The following MACROD2 variants were observed in gnomAD, a reference collection of about 807,000 sequenced individuals.
MACROD2 encodes mono-ADP ribosylhydrolase 2.
MACROD2 carries 36 observed loss-of-function variants against 70.4 expected under a neutral mutation model. The ratio of observed to expected loss-of-function variants is 0.51; its 90% CI spans 0.39 to 0.68. MACROD2 has a LOEUF of 0.68. Among genes scored for constraint, MACROD2 ranks in the 30% least tolerant of loss-of-function variants. The pLI is 0.00. For synonymous variants in MACROD2, 172 were observed against 178.8 expected (o/e 0.96, Z 0.30); for missense variants, 496 against 538.4 (o/e 0.92, Z 0.78).
chr20:14,601,946 C>G (rs1262899051), intron 4 of MACROD2, among the ~76,000 whole-genome samples: 1 of 152,176 alleles, frequency 6.6e-6, no homozygotes, highest in Non-Finnish European at 1.5e-5. Context: ...GATTAAGCAT[C>G]TCGCACCATA....
In MACROD2 at chr20:14,112,396, G is replaced by T. The variant is rs991597699; in HGVS notation, c.271+26668G>T. Among the ~76,000 whole-genome samples, 5 of 152,018 alleles carry T rather than the reference G, an allele frequency of 3.3e-5. No individual in the cohort carries two copies. The East Asian group carries it at 9.7e-4, about 29-fold the overall frequency. On this transcript the variant is annotated intron_variant, in intron 3 of 17. Transcript: ENST00000684519. ...ATTTTTTGTAACACAAAGGATAAAT[G>T]CTTGAGGGGATGGATACCCCATTTT...
chr20:14,719,473 G>GAAAAAAAAAAAAAAAAAAAAAAAAA (rs11087105), intron 5 of MACROD2, among the ~76,000 whole-genome samples: 1 of 136,322 alleles, frequency 7.3e-6, no homozygotes, highest in Non-Finnish European at 1.6e-5. Context: ...AAGATAGAAA[G>GAAAAAAAAAAAAAAAAAAAAAAAAA]AAAAAAAAAA....
chr20:14,522,384 G>A (rs1168304759), intron 4 of MACROD2, among the ~76,000 whole-genome samples: 4 of 152,090 alleles, frequency 2.6e-5, no homozygotes, highest in Non-Finnish European at 5.9e-5. Flanking sequence ...AAGCAGAAAT[G>A]TAAAGCTGAA....
intron 5 of MACROD2, chr20:14,895,423 C>T (rs2073815716): frequency 6.6e-6 from 1 of 152,058 alleles, no homozygotes; most frequent in Admixed American, 6.5e-5. Context: ...AAGCGGAGGG[C>T]TTACTCTCCA....
At chr20:15,541,926 A>G in intron 8 of MACROD2, among the ~76,000 whole-genome samples, 1 of 152,142 alleles carries the variant, frequency 6.6e-6, no homozygotes, top group Admixed American at 6.5e-5. Flanking sequence ...AAGAAGCACA[A>G]ATGATGCCAC....
chr20:14,867,471 C>T (rs2073440457), intron 5 of MACROD2, among the ~76,000 whole-genome samples: 1 of 152,012 alleles, frequency 6.6e-6, no homozygotes, highest in African/African-American at 2.4e-5. Context: ...ATGAAAGAGT[C>T]TGGATTCTAA....
chr20:15,953,016 G>A (rs770961580), intron 12 of MACROD2, among the ~76,000 whole-genome samples: 12 of 151,966 alleles, frequency 7.9e-5, no homozygotes, highest in Admixed American at 1.3e-4. Context: ...CATACACAAT[G>A]GAATATTATT....
chr20:15,494,686 G>A (rs2047271844), intron 7 of MACROD2, among the ~76,000 whole-genome samples: 1 of 151,752 alleles, frequency 6.6e-6, no homozygotes, highest in African/African-American at 2.4e-5. Context: ...TCAGGACAAG[G>A]CAGCTTTCTG....
chr20:14,211,606 T>C (rs1460744238), intron 3 of MACROD2, among the ~76,000 whole-genome samples: 1 of 152,226 alleles, frequency 6.6e-6, no homozygotes, highest in Non-Finnish European at 1.5e-5. Flanking sequence ...AGTCTGTGTT[T>C]ACAGGCTCTC....
chr20:15,617,509 A>G (rs2049055556), intron 8 of MACROD2, among the ~76,000 whole-genome samples: 1 of 152,258 alleles, frequency 6.6e-6, no homozygotes, highest in South Asian at 2.1e-4. Context: ...TCAAAACAAA[A>G]GTAGAGATTC....
intron 1 of MACROD2, among the ~76,000 whole-genome samples, chr20:13,996,652 CCCA>C (rs2052661923): frequency 6.6e-6 from 1 of 150,934 alleles, no homozygotes; most frequent in African/African-American, 2.4e-5. Context: ...TCCAGCGTCT[CCCA>C]CCAAGATCTC....
intron 5 of MACROD2, among the ~76,000 whole-genome samples, chr20:14,815,767 TTTTG>T (rs2072767015): frequency 6.6e-6 from 1 of 152,042 alleles, no homozygotes. Context: ...TAGTAACATT[TTTTG>T]TTTTTTATTT....
chr20:15,929,387 T>C (rs1360398073), intron 10 of MACROD2, among the ~76,000 whole-genome samples: 2 of 152,142 alleles, frequency 1.3e-5, no homozygotes, highest in Admixed American at 6.6e-5. Flanking sequence ...CCAACATCAA[T>C]GGCATGGAAA....
chr20:14,625,142 C>T (rs1242375328), intron 4 of MACROD2, among the ~76,000 whole-genome samples: 1 of 151,736 alleles, frequency 6.6e-6, no homozygotes, highest in Non-Finnish European at 1.5e-5. Flanking sequence ...CCAGCCTGAC[C>T]AACATGAAAC....
At chr20:14,272,381 A>AT (rs2082204209) in intron 3 of MACROD2, among the ~76,000 whole-genome samples, 2 of 152,114 alleles carry the variant, frequency 1.3e-5, no homozygotes, top group African/African-American at 4.8e-5. Context: ...AGAATTTCAT[A>AT]TCCAGCCAAA....
intron 6 of MACROD2, among the ~76,000 whole-genome samples, chr20:15,422,900 T>C (rs1343164218): frequency 6.6e-6 from 1 of 152,216 alleles, no homozygotes. Context: ...CCTGTGCTTG[T>C]GCTTTCCATG....
intron 5 of MACROD2, among the ~76,000 whole-genome samples, chr20:15,148,554 C>T (rs1330108470): frequency 6.6e-6 from 1 of 151,914 alleles, no homozygotes; most frequent in Non-Finnish European, 1.5e-5. Context: ...AAGAGCAGGG[C>T]ATGTATGAGT....
In MACROD2 at chr20:14,128,243, T is replaced by C. The variant is rs2054676073; in HGVS notation, c.271+42515T>C. 8.7e-6 allele frequency: 3 copies of C among 342,880 alleles called. No individual in the cohort carries two copies. In the South Asian group the frequency reaches 8.8e-5, roughly 10 times the overall value. The allele number at this position is 342,880 out of a possible 1,614,324, so 21.2% of individuals were successfully genotyped here. A position where few individuals can be genotyped will look rare whatever the true frequency, so the allele number is the denominator to read the frequency against. ...ATCCCACCTCATTTTTATACTATGA[T>C]GAGTATGTGGCTATATACAAAGGAG... On this transcript the variant is annotated intron_variant, in intron 3 of 17. Transcript: ENST00000684519.
chr20:14,012,429 G>T (rs1601111148), intron 2 of MACROD2, among the ~76,000 whole-genome samples: 1 of 152,142 alleles, frequency 6.6e-6, no homozygotes, highest in Admixed American at 6.5e-5. Context: ...ATCAGTATGA[G>T]ATTAAAAGAT....
Sources: gnomAD v4.1 joint callset for allele counts (sites outside exome capture counted in the v4.1 genomes callset) on GRCh38, gnomAD v4.1.1 for gene constraint, MANE v1.5 for transcripts, NCBI Gene and HGNC (gene_info 2026-07-23, HGNC 2026-07-21) for gene names.